Variants in PALLD observed in about 807,000 individuals in gnomAD.
PALLD encodes palladin.
PALLD carries 61 observed loss-of-function variants against 123.5 expected under a neutral mutation model. The ratio of observed to expected loss-of-function variants is 0.49; its 90% CI spans 0.40 to 0.61. PALLD has a LOEUF of 0.61. Among genes scored for constraint, PALLD ranks in the 20% least tolerant of loss-of-function variants. PALLD has a pLI of 0.00. For synonymous variants in PALLD, 465 were observed against 496.4 expected (o/e 0.94, Z 0.84); for missense variants, 1,273 against 1,377.0 (o/e 0.92, Z 1.20).
intron 2 of PALLD, among the ~76,000 whole-genome samples, chr4:168,656,178 A>AC (rs1180098613): frequency 6.6e-6 from 1 of 151,822 alleles, no homozygotes; most frequent in Non-Finnish European, 1.5e-5. Flanking sequence ...CTGAATGTGC[A>AC]CCTCTAGCTG....
Position 168,878,356 on chromosome 4 carries a change from C to T in PALLD, c.1965-12566C>T, listed in dbSNP as rs864622158. On this transcript the variant is annotated intron_variant, in intron 10 of 21. Transcript: ENST00000505667. ...TGCCCTCGCAGCCGCCGCCGGCGGC[C>T]GTCAACGCCCTGGGGCTGCCCAAGG... The T allele has an allele frequency of 1.1e-5, 17 of 1,518,730 alleles. No homozygotes were observed. The highest frequency in any genetic ancestry group is 2.3e-4 in the Middle Eastern group (1 of 4,386). The allele number at this position is 1,518,730 out of a possible 1,614,324, so 94.1% of individuals were successfully genotyped here.
intron 10 of PALLD, among the ~76,000 whole-genome samples, chr4:168,775,248 T>C (rs1255659467): frequency 6.6e-6 from 1 of 152,188 alleles, no homozygotes; most frequent in Non-Finnish European, 1.5e-5. Context: ...AACAGGTGTG[T>C]AGTAGAATTT....
chr4:168,848,357 TGTCA>T lies in PALLD; in HGVS notation c.1965-42562_1965-42559del, dbSNP rs1747217597. On this transcript the variant is annotated intron_variant, in intron 10 of 21. Coordinates refer to ENST00000505667, the MANE Select transcript of PALLD (RefSeq NM_001166108.2). ...AGAGATTGAAGGTACTGATCGTTGTTGTCAGTGACTGGAAACCAGGCCTATTGAG... is the reference window on the plus strand; with the variant it reads ...AGAGATTGAAGGTACTGATCGTTGTTGTGACTGGAAACCAGGCCTATTGAG... Among the ~76,000 whole-genome samples the T allele has an allele frequency of 5.3e-5, 8 of 152,318 alleles. No homozygotes were observed. The South Asian group carries it at 1.7e-3, about 32-fold the overall frequency.
At chr4:168,658,921 A>G (rs1397499887) in intron 2 of PALLD, among the ~76,000 whole-genome samples, 1 of 152,178 alleles carries the variant, frequency 6.6e-6, no homozygotes, top group African/African-American at 2.4e-5. Context: ...AAATTTAGCT[A>G]TTGGCCTTCG....
At chr4:168,631,419 T>C (rs1409823986) in intron 2 of PALLD, among the ~76,000 whole-genome samples, 1 of 152,168 alleles carries the variant, frequency 6.6e-6, no homozygotes, top group Non-Finnish European at 1.5e-5. Context: ...CGGTGGAACT[T>C]GCCTGTTACC....
At chr4:168,626,057 A>T (rs1370619427) in intron 2 of PALLD, among the ~76,000 whole-genome samples, 4 of 151,612 alleles carry the variant, frequency 2.6e-5, no homozygotes, top group African/African-American at 9.7e-5. Flanking sequence ...AGGTCAGGAG[A>T]TCGAGACCAT....
intron 10 of PALLD, among the ~76,000 whole-genome samples, chr4:168,755,576 C>G (rs1448113619): frequency 6.6e-6 from 1 of 152,068 alleles, no homozygotes; most frequent in East Asian, 1.9e-4. Context: ...ACTTCGGTGT[C>G]TATTCAATGC....
chr4:168,850,523 C>CTTTTTTTT (rs767777801), intron 10 of PALLD, among the ~76,000 whole-genome samples: 917 of 34,696 alleles, frequency 0.026, 228 homozygotes, highest in Non-Finnish European at 0.032. Flanking sequence ...TCTGTCATTT[C>CTTTTTTTT]TTTTTTTTTT....
At chr4:168,732,176 A>C (rs1163112998) in intron 10 of PALLD, among the ~76,000 whole-genome samples, 1 of 152,194 alleles carries the variant, frequency 6.6e-6, no homozygotes, top group Non-Finnish European at 1.5e-5. Flanking sequence ...CTTTCATCCG[A>C]GTTTGTAGCG....
intron 10 of PALLD, among the ~76,000 whole-genome samples, chr4:168,770,858 A>G (rs1672503577): frequency 6.6e-6 from 1 of 152,226 alleles, no homozygotes; most frequent in African/African-American, 2.4e-5. Context: ...CAGGAGTTCA[A>G]GACCAGCCTG....
intron 10 of PALLD, among the ~76,000 whole-genome samples, chr4:168,870,128 A>T (rs768790276): frequency 1.3e-5 from 2 of 152,222 alleles, no homozygotes; most frequent in Non-Finnish European, 1.5e-5. Flanking sequence ...AAGCCAAAAC[A>T]TCCAAAAGAG....
intron 2 of PALLD, among the ~76,000 whole-genome samples, chr4:168,659,744 C>T (rs1778948208): frequency 6.6e-6 from 1 of 152,152 alleles, no homozygotes; most frequent in African/African-American, 2.4e-5. Context: ...CGTTATAAGT[C>T]AGATTTGTTT....
intron 10 of PALLD, among the ~76,000 whole-genome samples, chr4:168,789,840 A>G (rs1469077914): frequency 2.0e-5 from 3 of 152,168 alleles, no homozygotes; most frequent in East Asian, 1.9e-4. Context: ...CAGTCAGACA[A>G]TTTCCTCTCT....
rs150146637 is a variant in PALLD, at chr4:168,770,887, C to T, written c.1964+58964C>T. The stretch of plus-strand genomic sequence containing the variant: ...CAGCCTGGCCAACATGGCAAAACCC[C>T]GTTTCTACTAAAAATACAAGAACTT... On this transcript the variant is annotated intron_variant, in intron 10 of 21. Transcript: ENST00000505667. 7.7e-3 allele frequency among the ~76,000 whole-genome samples: 1,165 copies of T among 152,182 alleles called. 5 individuals are homozygous for T. The highest frequency in any genetic ancestry group is 0.024 in the Middle Eastern group (7 of 294).
chr4:168,914,010 T>C lies in PALLD; in HGVS notation c.2706T>C (p.Pro902=). ...GTCCCCGGTCTCCCTCAGGCCATCC[T>C]CATGTCAGAAGGTATTTAACATGTT... ...GRSPRSPSGH[P]HVRRPRSRSR... Residue 902 remains proline, a synonymous_variant, in exon 16 of 22, where the codon CCT becomes CCC. Transcript: ENST00000505667. 6.3e-7 allele frequency: 1 copy of C among 1,598,224 alleles called. No individual in the cohort carries two copies. Among genetic ancestry groups the C allele is most frequent in the Non-Finnish European group, 8.6e-7 (1 of 1,165,648 alleles).
chr4:168,927,632 T>TATTA lies in PALLD; in HGVS notation c.*1453_*1456dup. 1 of 227,272 alleles carries TATTA rather than the reference T, an allele frequency of 4.4e-6. No homozygotes were observed. Among genetic ancestry groups the TATTA allele is most frequent in the Middle Eastern group, 1.3e-3 (1 of 752 alleles). 14.1% of individuals were successfully genotyped at this position (227,272 alleles called of 1,614,324 possible). The stretch of plus-strand genomic sequence containing the variant: ...ACACCAAGATGTGGTAAATGAAAAT[T>TATTA]ATTAGTTCACTTCCCTGCTGCCATG... On this transcript the variant is annotated 3_prime_UTR_variant, in exon 22 of 22. Coordinates refer to ENST00000505667, the MANE Select transcript of PALLD (RefSeq NM_001166108.2).
At chr4:168,530,398 CAA>C (rs1764491876) in intron 2 of PALLD, among the ~76,000 whole-genome samples, 2 of 152,120 alleles carry the variant, frequency 1.3e-5, no homozygotes, top group Non-Finnish European at 2.9e-5. Flanking sequence ...TTGAAGGGTA[CAA>C]AGACTCTATC....
At chr4:168,714,040 C>A (rs1785103637) in intron 10 of PALLD, among the ~76,000 whole-genome samples, 1 of 142,006 alleles carries the variant, frequency 7.0e-6, no homozygotes. Context: ...GCATATTTAC[C>A]TGCCATTTAA....
chr4:168,911,333 A>G (rs1260943312), intron 15 of PALLD, among the ~76,000 whole-genome samples: 1 of 152,224 alleles, frequency 6.6e-6, no homozygotes, highest in Non-Finnish European at 1.5e-5. Context: ...TTCTAACCGC[A>G]TAAATGATTA....
Sources: gnomAD v4.1 joint callset for allele counts (sites outside exome capture counted in the v4.1 genomes callset) on GRCh38, gnomAD v4.1.1 for gene constraint, MANE v1.5 for transcripts, NCBI Gene and HGNC (gene_info 2026-07-23, HGNC 2026-07-21) for gene names.